Variants in NIM1K observed in about 807,000 individuals in gnomAD.
The protein encoded by NIM1K is serine/threonine-protein kinase NIM1.
In NIM1K, 35 loss-of-function variants were observed where a neutral mutation model predicts 37.1. The ratio of observed to expected loss-of-function variants is 0.94; its 90% CI spans 0.72 to 1.25. NIM1K has a LOEUF of 1.25. Ranked by LOEUF, NIM1K falls within the 50% of genes most tolerant of loss-of-function variation. The pLI is 0.00. For missense variants in NIM1K, 564 were observed against 548.0 expected (o/e 1.03, Z -0.29); for synonymous variants, 234 against 206.6 (o/e 1.13, Z -1.14).
At chr5:43,250,090 G>A (rs1752846260) in intron 2 of NIM1K, among the ~76,000 whole-genome samples, 1 of 151,828 alleles carries the variant, frequency 6.6e-6, no homozygotes, top group African/African-American at 2.4e-5. Flanking sequence ...CTGACCTCGT[G>A]ATCTGCCCGC....
intron 3 of NIM1K, among the ~76,000 whole-genome samples, chr5:43,277,815 T>TGTGTGTGAGAGA (rs532526440): frequency 3.1e-5 from 4 of 128,948 alleles, no homozygotes; most frequent in African/African-American, 1.2e-4. Flanking sequence ...TGTGTGTGTG[T>TGTGTGTGAGAGA]GAGAGAGAGA....
intron 2 of NIM1K, among the ~76,000 whole-genome samples, chr5:43,249,933 AG>A (rs1332202632): frequency 6.7e-6 from 1 of 149,056 alleles, no homozygotes; most frequent in Non-Finnish European, 1.5e-5. Context: ...GCTCACTGCA[AG>A]CTCTGCCTCC....
chr5:43,249,155 C>T (rs929441346), intron 2 of NIM1K, among the ~76,000 whole-genome samples: 2 of 151,722 alleles, frequency 1.3e-5, no homozygotes, highest in Admixed American at 6.6e-5. Context: ...CTGCAAGCTC[C>T]GCCTCCCAGG....
chr5:43,217,162 T>C (rs1752311958), intron 1 of NIM1K, among the ~76,000 whole-genome samples: 1 of 152,178 alleles, frequency 6.6e-6, no homozygotes, highest in Non-Finnish European at 1.5e-5. Context: ...CAACCATGAA[T>C]CTACTTTCTG....
intron 1 of NIM1K, among the ~76,000 whole-genome samples, chr5:43,211,642 G>A (rs1176721084): frequency 6.6e-6 from 1 of 152,186 alleles, no homozygotes; most frequent in Non-Finnish European, 1.5e-5. Flanking sequence ...GGCATATGGA[G>A]GGGGGTAAGT....
intron 1 of NIM1K, among the ~76,000 whole-genome samples, chr5:43,220,267 C>A (rs982699796): frequency 1.4e-5 from 2 of 146,220 alleles, no homozygotes; most frequent in African/African-American, 2.5e-5. Context: ...AAAGGTCTAA[C>A]TTTATTCTTC....
intron 2 of NIM1K, among the ~76,000 whole-genome samples, chr5:43,276,296 T>C (rs1753339136): frequency 6.6e-6 from 1 of 152,216 alleles, no homozygotes; most frequent in Non-Finnish European, 1.5e-5. Context: ...CTCAGGAAGC[T>C]CCAATCATGG....
chr5:43,257,775 T>A (rs1417699249), intron 2 of NIM1K, among the ~76,000 whole-genome samples: 3 of 151,238 alleles, frequency 2.0e-5, no homozygotes, highest in Admixed American at 2.0e-4. Context: ...TTTTTTTTTT[T>A]AAGCCTCTCA....
At chr5:43,277,366 C>T in intron 3 of NIM1K, 41 bp downstream of exon 3, 1 of 1,587,978 alleles carries the variant, frequency 6.3e-7, no homozygotes, top group South Asian at 1.2e-5. Flanking sequence ...TCCCATTGCA[C>T]TGACACTGGG....
At position 43,192,375 on chromosome 5, in the gene NIM1K, C is replaced by G. The variant is rs1466505397; in HGVS notation, c.-731C>G. 1 of 152,394 alleles carries G rather than the reference C, an allele frequency of 6.6e-6. No homozygotes were observed. Among genetic ancestry groups the G allele is most frequent in the African/African-American group, 2.4e-5 (1 of 41,468 alleles). 9.4% of individuals were successfully genotyped at this position (152,394 alleles called of 1,614,324 possible). A position where few individuals can be genotyped will look rare whatever the true frequency, so the allele number is the denominator to read the frequency against. ...CAACCCAGCGCGCCTAGCCTGGCGCCGTGCAGCGAAGCCCAAGAGCTGGCC... is the reference window on the plus strand; with the variant it reads ...CAACCCAGCGCGCCTAGCCTGGCGCGGTGCAGCGAAGCCCAAGAGCTGGCC... On this transcript the variant is annotated 5_prime_UTR_variant, in exon 1 of 4. Transcript: ENST00000326035.
intron 3 of NIM1K, among the ~76,000 whole-genome samples, chr5:43,277,797 TGTGTGTGTGTGTGTGTGTGAGA>T (rs1038975101): frequency 4.0e-5 from 6 of 148,920 alleles, no homozygotes; most frequent in African/African-American, 1.5e-4. Flanking sequence ...TGTGTGTGTG[TGTGTGTGTGTGTGTGTGTGAGA>T]GAGAGAGAGA....
Position 43,280,171 on chromosome 5 carries a change from C to T in NIM1K, c.753C>T (p.Tyr251=). Reference sequence around the variant, plus strand: ...GGGACGAGCACTACATCGGCATTTACGTGGATATCTGGGCCTTGGGGGTGC... The same window carrying T: ...GGGACGAGCACTACATCGGCATTTATGTGGATATCTGGGCCTTGGGGGTGC... ...LFRDEHYIGI[Y]VDIWALGVLL... The change falls in exon 4 of 4, where the codon TAC becomes TAT. Residue 251 remains tyrosine (Y), a synonymous_variant. Coordinates refer to ENST00000326035, the MANE Select transcript of NIM1K (RefSeq NM_153361.4). The T allele has an allele frequency of 1.2e-6, 2 of 1,614,184 alleles. No individual in the cohort carries two copies. Among genetic ancestry groups the T allele is most frequent in the Non-Finnish European group, 1.7e-6 (2 of 1,180,026 alleles).
intron 2 of NIM1K, among the ~76,000 whole-genome samples, chr5:43,258,230 C>T (rs544072200): frequency 1.3e-5 from 2 of 152,182 alleles, no homozygotes; most frequent in South Asian, 2.1e-4. Flanking sequence ...TTCAATTGTC[C>T]AATTTTGAGT....
intron 1 of NIM1K, chr5:43,232,055 G>T: frequency 9.7e-7 from 1 of 1,028,928 alleles, no homozygotes; most frequent in Non-Finnish European, 1.5e-6. Flanking sequence ...ACAGCTCTCT[G>T]TGTCTTGACC....
chr5:43,247,949 C>T lies in NIM1K; in HGVS notation c.292+1882C>T, dbSNP rs564800509. ...GGATATAAAGATGAAATAGATACAA[C>T]CTTCATCCTCAAGGATAAGGGAAGA... On this transcript the variant is annotated intron_variant, in intron 2 of 3. Transcript: ENST00000326035. Among the ~76,000 whole-genome samples the T allele has an allele frequency of 3.3e-5, 5 of 152,272 alleles. No homozygotes were observed. In the South Asian group the frequency reaches 6.2e-4, roughly 19 times the overall value.
At chr5:43,273,510 A>C (rs1381879166) in intron 2 of NIM1K, among the ~76,000 whole-genome samples, 1 of 152,168 alleles carries the variant, frequency 6.6e-6, no homozygotes, top group Admixed American at 6.5e-5. Flanking sequence ...CACCCGGCCC[A>C]GAGTGCTCTT....
chr5:43,230,682 C>T (rs896686318), intron 1 of NIM1K, among the ~76,000 whole-genome samples: 2 of 152,186 alleles, frequency 1.3e-5, no homozygotes, highest in African/African-American at 4.8e-5. Context: ...TTTTTGAATG[C>T]TCTCTGGTGA....
At chr5:43,233,804 A>G (rs777603659) in intron 1 of NIM1K, among the ~76,000 whole-genome samples, 4 of 152,192 alleles carry the variant, frequency 2.6e-5, no homozygotes, top group Non-Finnish European at 4.4e-5. Flanking sequence ...ACCGTTTCCT[A>G]AATTAGTTAT....
At chr5:43,242,205 C>T (rs1266157377) in intron 1 of NIM1K, among the ~76,000 whole-genome samples, 4 of 151,948 alleles carry the variant, frequency 2.6e-5, no homozygotes, top group Non-Finnish European at 4.4e-5. Context: ...CCTGTGCCCT[C>T]CCTCTCTGTT....
Sources: allele counts gnomAD v4.1 joint callset (sites outside exome capture counted in the v4.1 genomes callset), GRCh38; gene constraint gnomAD v4.1.1; transcripts MANE v1.5; gene names NCBI Gene and HGNC (gene_info 2026-07-23, HGNC 2026-07-21).